The following MCM2 variants were observed in gnomAD, a reference collection of about 807,000 sequenced individuals.
The protein encoded by MCM2 is minichromosome maintenance complex component 2.
A neutral mutation model predicts 86.4 loss-of-function variants in MCM2; 49 were observed. That is an observed-to-expected ratio of 0.57 (90% CI 0.45 to 0.72). The LOEUF is 0.72. Among genes scored for constraint, MCM2 ranks in the 30% least tolerant of loss-of-function variants. The probability of loss-of-function intolerance (pLI) is 0.00; values close to 1 mark genes in which losing one functional copy is unlikely to be tolerated. For synonymous variants in MCM2, 475 were observed against 484.6 expected (o/e 0.98, Z 0.26); for missense variants, 1,038 against 1,259.9 (o/e 0.82, Z 2.67).
At chr3:127,619,798 A>G (rs768376214) in intron 13 of MCM2, among the ~76,000 whole-genome samples, 2 of 152,176 alleles carry the variant, frequency 1.3e-5, no homozygotes, top group Non-Finnish European at 2.9e-5. Context: ...TGGGCAACAT[A>G]GTGAGGCCCT....
At chr3:127,609,286 G>A (rs17538516) in intron 8 of MCM2, among the ~76,000 whole-genome samples, 2,187 of 152,290 alleles carry the variant, frequency 0.014, 62 homozygotes, top group South Asian at 0.045. Flanking sequence ...CTGTGTGGTG[G>A]GAGGAGTCCC....
chr3:127,602,894 T>C (rs1449444563), intron 2 of MCM2, among the ~76,000 whole-genome samples: 1 of 152,200 alleles, frequency 6.6e-6, no homozygotes, highest in African/African-American at 2.4e-5. Flanking sequence ...CTGAAGCCTT[T>C]TGGTCTAATG....
chr3:127,620,796 A>G lies in MCM2; in HGVS notation c.2364A>G (p.Glu788=), dbSNP rs376569612. 3.1e-6 allele frequency: 5 copies of G among 1,614,034 alleles called. No individual in the cohort carries two copies. In the African/African-American group the frequency reaches 5.3e-5, roughly 17 times the overall value. Residue 788 remains glutamate, a synonymous_variant, in exon 14 of 16, where the codon GAA becomes GAG. Coordinates refer to ENST00000265056, the MANE Select transcript of MCM2 (RefSeq NM_004526.4). ...TCCATCTGCGGGACTATGTGATCGA[A>G]GACGACGTCAACATGGCCATCCGCG... ...ARIHLRDYVI[E]DDVNMAIRVM... is the part of the protein sequence containing the mutation.
At chr3:127,609,417 G>C (rs557033058) in intron 8 of MCM2, among the ~76,000 whole-genome samples, 1 of 152,286 alleles carries the variant, frequency 6.6e-6, no homozygotes, top group South Asian at 2.1e-4. Context: ...GGATTCCTAG[G>C]GATCCAGCTG....
In MCM2 at chr3:127,617,255, G is replaced by A. The variant is rs771963659; in HGVS notation, c.1774-24G>A. 2.5e-6 allele frequency: 4 copies of A among 1,613,992 alleles called. No homozygotes were observed. Among genetic ancestry groups the A allele is most frequent in the Non-Finnish European group, 1.7e-6 (2 of 1,179,904 alleles). On this transcript the variant is annotated intron_variant, in intron 10 of 15. Transcript: ENST00000265056. This position sits in a 1 kb window ranked among gnomAD's most constrained non-coding sequence, Gnocchi z 4.1. The stretch of plus-strand genomic sequence containing the variant: ...GTAGTAGGGGCGTGAACCATGCTAA[G>A]GGTGGGCCATTTTAATCTTGCAGAT...
intron 8 of MCM2, among the ~76,000 whole-genome samples, chr3:127,611,918 C>G: frequency 6.9e-6 from 1 of 144,448 alleles, no homozygotes; most frequent in Non-Finnish European, 1.5e-5. Flanking sequence ...CCGGGATGGT[C>G]TCGATCTCCT....
intron 4 of MCM2, 111 bp downstream of exon 4, chr3:127,605,267 G>A: frequency 7.1e-7 from 1 of 1,416,700 alleles, no homozygotes; most frequent in Non-Finnish European, 9.6e-7. Context: ...ATGGCTGAGA[G>A]GTCTGTCAGA....
At chr3:127,601,981 T>C (rs1468088911) in intron 2 of MCM2, among the ~76,000 whole-genome samples, 1 of 152,190 alleles carries the variant, frequency 6.6e-6, no homozygotes, top group Admixed American at 6.5e-5. Context: ...CACTTTTTAA[T>C]TGGGTTGCTT....
At chr3:127,613,341 T>A (rs1408440851) in intron 8 of MCM2, among the ~76,000 whole-genome samples, 1 of 152,144 alleles carries the variant, frequency 6.6e-6, no homozygotes, top group Non-Finnish European at 1.5e-5. Flanking sequence ...GAGAGGTCCG[T>A]GGAGTGGTCT....
Position 127,607,181 on chromosome 3 carries a change from C to T in MCM2, c.1101+364C>T, listed in dbSNP as rs146640222. ...TGGTGCCATCACTCACGTGGGGTGGCTGCAGTCCCATCGGGACTTCCCCTC... is the reference window on the plus strand; with the variant it reads ...TGGTGCCATCACTCACGTGGGGTGGTTGCAGTCCCATCGGGACTTCCCCTC... On this transcript the variant is annotated intron_variant, in intron 6 of 15. Transcript: ENST00000265056. Among the ~76,000 whole-genome samples the T allele has an allele frequency of 3.5e-3, 535 of 152,374 alleles. 2 individuals carry two copies. The highest frequency in any genetic ancestry group is 0.012 in the African/African-American group (516 of 41,590).
intron 8 of MCM2, 60 bp downstream of exon 8, chr3:127,609,083 T>C: frequency 6.4e-7 from 1 of 1,571,208 alleles, no homozygotes; most frequent in Non-Finnish European, 8.7e-7. Context: ...GGAGGGTTGC[T>C]GGGGCTGTGG....
At chr3:127,609,478 TG>T (rs1482959854) in intron 8 of MCM2, among the ~76,000 whole-genome samples, 2 of 152,028 alleles carry the variant, frequency 1.3e-5, no homozygotes, top group African/African-American at 4.8e-5. Context: ...TGGTGTTTTT[TG>T]TTTTTTTTTG....
intron 8 of MCM2, chr3:127,610,668 G>A: frequency 2.4e-6 from 1 of 412,910 alleles, no homozygotes; most frequent in Admixed American, 2.6e-5. Context: ...TTTCTCAAGT[G>A]TATTGCGTGT....
chr3:127,615,954 A>G lies in MCM2; in HGVS notation c.1521A>G (p.Pro507=), dbSNP rs1376766246. 1.9e-6 allele frequency: 3 copies of G among 1,613,384 alleles called. No individual in the cohort carries two copies. The highest frequency in any genetic ancestry group is 2.2e-5 in the South Asian group (2 of 91,056). Residue 507 remains proline, a splice_region_variant and synonymous_variant, in exon 9 of 16, where the codon CCA becomes CCG. Transcript: ENST00000265056. Reference sequence around the variant, plus strand: ...TGTTCGGAGGGGAGCCCAAAAACCCAGGTGAGCACCCACCTTTCCTCTGCA... The same window carrying G: ...TGTTCGGAGGGGAGCCCAAAAACCCGGGTGAGCACCCACCTTTCCTCTGCA... ...LALFGGEPKN[P]GGKHKVRGDI...
intron 1 of MCM2, 28 bp downstream of exon 1, chr3:127,598,500 G>A (rs2074275142): frequency 6.2e-7 from 1 of 1,611,372 alleles, no homozygotes; most frequent in Non-Finnish European, 8.5e-7. Context: ...TGGCGGGCGG[G>A]CGCCGGGGAC....
rs1242517410 is a variant in MCM2 at position 127,606,378 on chromosome 3, T to G, written c.893+41T>G. ...GTGAGGATGGCAGGTCCGAGCTCAG[T>G]GCTGGGTGACTCGGTCGTGATTCCT... On this transcript the variant is annotated intron_variant, in intron 5 of 15. Transcript: ENST00000265056. This position sits in a 1 kb window ranked among gnomAD's most constrained non-coding sequence, Gnocchi z 4.2. 1.3e-6 allele frequency: 2 copies of G among 1,590,010 alleles called. No individual in the cohort carries two copies. The highest frequency in any genetic ancestry group is 1.7e-6 in the Non-Finnish European group (2 of 1,159,232).
chr3:127,606,022 C>T lies in MCM2; in HGVS notation c.674-96C>T. On this transcript the variant is annotated intron_variant, in intron 4 of 15. Coordinates refer to ENST00000265056, the MANE Select transcript of MCM2 (RefSeq NM_004526.4). The surrounding 1 kb of genome is among the most constrained non-coding windows in gnomAD (Gnocchi z 4.2). ...GGCTTTCTAGGTCAAAATCAATGGT[C>T]GGGGTGGGTAGGCCTTGCTTCTCAC... The T allele has an allele frequency of 8.1e-6, 7 of 866,940 alleles. No homozygotes were observed. Among genetic ancestry groups the T allele is most frequent in the South Asian group, 4.6e-5 (3 of 65,160 alleles). 53.7% of individuals were successfully genotyped at this position (866,940 alleles called of 1,614,324 possible).
At position 127,611,682 on chromosome 3, in the gene MCM2, C is replaced by CTTTTTT. The variant is rs59607211; in HGVS notation, c.1428+2688_1428+2693dup. On this transcript the variant is annotated intron_variant, in intron 8 of 15. Coordinates refer to ENST00000265056, the MANE Select transcript of MCM2 (RefSeq NM_004526.4). ...AAGCCCTGCAGGCTTCTGCAGCTGA[C>CTTTTTT]TTTTTTTTTTTTTTTTTTTTTTTTT... Among the ~76,000 whole-genome samples the CTTTTTT allele has an allele frequency of 1.3e-3, 69 of 54,286 alleles. 17 individuals carry two copies. Among genetic ancestry groups the CTTTTTT allele is most frequent in the Admixed American group, 2.6e-3 (8 of 3,080 alleles). The allele number at this position is 54,286 out of a possible 152,430, so 35.6% of individuals were successfully genotyped here.
chr3:127,605,143 C>G lies in MCM2; in HGVS notation c.660C>G (p.Ser220Arg). 1.9e-6 allele frequency: 3 copies of G among 1,614,018 alleles called. No homozygotes were observed. Among genetic ancestry groups the G allele is most frequent in the Middle Eastern group, 1.6e-4 (1 of 6,062 alleles). ...HGHNVFKERI[S>R]DMCKENRESL... ...ACAACGTCTTCAAGGAGCGCATCAG[C>G]GACATGTGCAAAGGTGTGGCTTCCC... The change falls in exon 4 of 16, where the codon AGC becomes AGG. Residue 220 changes from serine to arginine, a missense_variant. Around this residue, in one of 4 missense-constraint regions of MCM2, gnomAD observed 399 missense variants for 507.2 expected, o/e 0.79. Transcript: ENST00000265056.
Sources: allele counts gnomAD v4.1 joint callset (sites outside exome capture counted in the v4.1 genomes callset), GRCh38; gene constraint gnomAD v4.1.1; regional missense constraint gnomAD v4.1.1; non-coding constraint Gnocchi (gnomAD v3.1); transcripts MANE v1.5; gene names NCBI Gene and HGNC (gene_info 2026-07-23, HGNC 2026-07-21).